The following OR56A3 variants were observed in gnomAD, a reference collection of about 807,000 sequenced individuals.
OR56A3 encodes the protein olfactory receptor family 56 subfamily A member 3, also known as olfactory receptor 56A3.
A neutral mutation model predicts 17.5 loss-of-function variants in OR56A3; 23 were observed. The ratio of observed to expected loss-of-function variants is 1.32; its 90% CI spans 0.95 to 1.87. The LOEUF is 1.87. Ranked by LOEUF, OR56A3 falls within the 40% of genes most tolerant of loss-of-function variation. The pLI is 0.00. For synonymous variants in OR56A3, 175 were observed against 150.6 expected, an observed-to-expected ratio of 1.16 and a Z score of -1.19; for missense variants, 366 against 380.1, an observed-to-expected ratio of 0.96 and a Z score of 0.31.
chr11:5,955,306 C>A (rs1847926665), downstream of OR56A3, among the ~76,000 whole-genome samples: 1 of 152,124 alleles, frequency 6.6e-6, no homozygotes, highest in Non-Finnish European at 1.5e-5. Flanking sequence ...TTTTCCAAGA[C>A]AAACTTCCAA....
At chr11:5,983,421 A>C in the OR56A3 span, among the ~76,000 whole-genome samples, 1 of 151,714 alleles carries the variant, frequency 6.6e-6, no homozygotes, top group Non-Finnish European at 1.5e-5. Flanking sequence ...ATTGTTTTCC[A>C]ATTTAATTCT....
the OR56A3 span, among the ~76,000 whole-genome samples, chr11:6,009,513 A>G: frequency 6.6e-6 from 1 of 152,204 alleles, no homozygotes; most frequent in African/African-American, 2.4e-5. Context: ...TCAATTCAAT[A>G]TATTTCAATT....
the OR56A3 span, among the ~76,000 whole-genome samples, chr11:5,962,364 G>A: frequency 3.3e-5 from 5 of 152,004 alleles, no homozygotes; most frequent in South Asian, 2.1e-4. Context: ...TTGTGTGTGC[G>A]TGTTCTCATC....
At chr11:5,987,549 A>G in the OR56A3 span, among the ~76,000 whole-genome samples, 3 of 152,168 alleles carry the variant, frequency 2.0e-5, no homozygotes, top group Non-Finnish European at 4.4e-5. Context: ...ATATCTATAC[A>G]CCACATCCTC....
At chr11:5,982,251 A>G in the OR56A3 span, among the ~76,000 whole-genome samples, 1 of 152,154 alleles carries the variant, frequency 6.6e-6, no homozygotes. Flanking sequence ...GTCCACGCAT[A>G]CGTGTGCATT....
chr11:5,993,852 A>G, the OR56A3 span: 4 of 448,836 alleles, frequency 8.9e-6, no homozygotes, highest in Non-Finnish European at 1.6e-5. Flanking sequence ...TGCTCCCTAA[A>G]GGGTACTCTG....
chr11:5,956,823 C>G, the OR56A3 span, among the ~76,000 whole-genome samples: 1 of 152,150 alleles, frequency 6.6e-6, no homozygotes, highest in Non-Finnish European at 1.5e-5. Flanking sequence ...ACACATATTT[C>G]TACACACTTC....
At chr11:5,979,718 T>G in the OR56A3 span, among the ~76,000 whole-genome samples, 1 of 152,106 alleles carries the variant, frequency 6.6e-6, no homozygotes, top group Admixed American at 6.5e-5. Flanking sequence ...CACCTCTGGT[T>G]TTGGTTATTT....
chr11:5,948,343 C>A lies in OR56A3; in HGVS notation c.*49C>A. 1.5e-6 allele frequency: 2 copies of A among 1,317,534 alleles called. No individual in the cohort carries two copies. The highest frequency in any genetic ancestry group is 1.3e-5 in the South Asian group (1 of 76,354). 81.6% of individuals were successfully genotyped at this position (1,317,534 alleles called of 1,614,324 possible). On this transcript the variant is annotated 3_prime_UTR_variant, in exon 3 of 3. Coordinates refer to ENST00000641160, the MANE Select transcript of OR56A3 (RefSeq NM_001003443.3). Reference sequence around the variant, plus strand: ...ATCTAAAATAAGATAATTTATTAATCACTTAATGAGTGAGTGGGCTGAAAT... The same window carrying A: ...ATCTAAAATAAGATAATTTATTAATAACTTAATGAGTGAGTGGGCTGAAAT...
Position 5,951,263 on chromosome 11 carries a change from G to T in OR56A3, c.*2969G>T, listed in dbSNP as rs1261605440. The stretch of plus-strand genomic sequence containing the variant: ...AAGGAATATTAGCATTAGAGTAATC[G>T]ACAGACATTAATACGTTAAAGGTTT... On this transcript the variant is annotated 3_prime_UTR_variant, in exon 3 of 3. Coordinates refer to ENST00000641160, the MANE Select transcript of OR56A3 (RefSeq NM_001003443.3). 6.6e-6 allele frequency: 1 copy of T among 152,024 alleles called. No homozygotes were observed. Among genetic ancestry groups the T allele is most frequent in the African/African-American group, 2.4e-5 (1 of 41,408 alleles). The allele number at this position is 152,024 out of a possible 1,614,324, so 9.4% of individuals were successfully genotyped here. A position where few individuals can be genotyped will look rare whatever the true frequency, so the allele number is the denominator to read the frequency against.
At chr11:5,951,747 C>T (rs766992162), downstream of OR56A3, among the ~76,000 whole-genome samples, 34 of 152,114 alleles carry the variant, frequency 2.2e-4, no homozygotes, top group Non-Finnish European at 4.6e-4. Context: ...ATCAAAAATA[C>T]GCATTCACAC....
At chr11:5,964,962 A>G in the OR56A3 span, among the ~76,000 whole-genome samples, 45,206 of 151,960 alleles carry the variant, frequency 0.3, 7,028 homozygotes, top group East Asian at 0.46. Flanking sequence ...TTTTCTTATC[A>G]TTATCTTAAA....
chr11:6,011,208 A>T, the OR56A3 span, among the ~76,000 whole-genome samples: 1 of 148,636 alleles, frequency 6.7e-6, no homozygotes, highest in Non-Finnish European at 1.5e-5. Context: ...TTTATTTTAT[A>T]TATATATATA....
the OR56A3 span, among the ~76,000 whole-genome samples, chr11:5,956,529 C>T: frequency 6.6e-6 from 1 of 152,236 alleles, no homozygotes; most frequent in Non-Finnish European, 1.5e-5. Context: ...AACTATAAAA[C>T]AAAGTATTAT....
At chr11:5,995,747 C>A in the OR56A3 span, among the ~76,000 whole-genome samples, 5 of 152,162 alleles carry the variant, frequency 3.3e-5, no homozygotes, top group Non-Finnish European at 5.9e-5. Context: ...AGAACACCAC[C>A]AAACGTTCAC....
chr11:5,986,525 T>C, the OR56A3 span: 1 of 1,613,854 alleles, frequency 6.2e-7, no homozygotes, highest in African/African-American at 1.3e-5. Context: ...TCCAGAGCCA[T>C]GGCCACAAGT....
chr11:6,017,681 C>G, the OR56A3 span, among the ~76,000 whole-genome samples: 1 of 152,078 alleles, frequency 6.6e-6, no homozygotes, highest in Non-Finnish European at 1.5e-5. Flanking sequence ...AACTAGGAAA[C>G]AGTTAACAAA....
At chr11:5,970,195 T>C in the OR56A3 span, among the ~76,000 whole-genome samples, 1 of 152,198 alleles carries the variant, frequency 6.6e-6, no homozygotes, top group African/African-American at 2.4e-5. Context: ...CATCAACACA[T>C]AACATATAGT....
chr11:6,018,038 GTGTATATATA>G, the OR56A3 span, among the ~76,000 whole-genome samples: 6 of 149,118 alleles, frequency 4.0e-5, no homozygotes, highest in Admixed American at 1.3e-4. Flanking sequence ...GTGTGTGTGT[GTGTATATATA>G]TATATATATA....
Sources: gnomAD v4.1 joint callset for allele counts (sites outside exome capture counted in the v4.1 genomes callset) on GRCh38, gnomAD v4.1.1 for gene constraint, MANE v1.5 for transcripts, NCBI Gene and HGNC (gene_info 2026-07-23, HGNC 2026-07-21) for gene names.